The following ZFYVE21 variants were observed in gnomAD, a reference collection of about 807,000 sequenced individuals.
The protein encoded by ZFYVE21 is zinc finger FYVE-type containing 21.
ZFYVE21 carries 21 observed loss-of-function variants against 29.5 expected under a neutral mutation model. That is an observed-to-expected ratio of 0.71 (90% CI 0.50 to 1.02). The LOEUF is 1.02. Among genes scored for constraint, ZFYVE21 ranks in the 50% least tolerant of loss-of-function variants. The pLI is 0.00. For missense variants in ZFYVE21, 326 were observed against 335.4 expected, an observed-to-expected ratio of 0.97 and a Z score of 0.22; for synonymous variants, 151 against 133.8, an observed-to-expected ratio of 1.13 and a Z score of -0.89.
chr14:103,720,948 G>A (rs2083867195), intron 1 of ZFYVE21, among the ~76,000 whole-genome samples: 2 of 152,012 alleles, frequency 1.3e-5, no homozygotes, highest in African/African-American at 2.4e-5. Flanking sequence ...TCAGCCTCCC[G>A]AGTAGCTGGG....
chr14:103,726,608 T>C (rs2083926950), intron 1 of ZFYVE21, 184 bp from the exon 2 acceptor site: 2 of 718,482 alleles, frequency 2.8e-6, no homozygotes, highest in East Asian at 5.1e-5. Flanking sequence ...CCCCACCGCA[T>C]TGGCTCTGGA....
At position 103,726,818 on chromosome 14, in the gene ZFYVE21, C is replaced by T; in HGVS notation, c.165C>T (p.Ala55=). The part of the protein sequence containing the change: ...KECRRCMQCD[A]KFDFLTRKHH... The stretch of plus-strand genomic sequence containing the variant: ...GTCGGAGATGTATGCAGTGTGACGC[C>T]AAGTTTGACTTTCTCACCAGAAAGG... Residue 55 remains alanine, a synonymous_variant, in exon 2 of 7, where the codon GCC becomes GCT. Coordinates refer to ENST00000311141, the MANE Select transcript of ZFYVE21 (RefSeq NM_024071.4). 1.2e-6 allele frequency: 2 copies of T among 1,613,994 alleles called. No individual in the cohort carries two copies. Among genetic ancestry groups the T allele is most frequent in the Non-Finnish European group, 1.7e-6 (2 of 1,179,952 alleles).
intron 5 of ZFYVE21, 147 bp downstream of exon 5, chr14:103,729,329 C>T (rs967624498): frequency 1.2e-4 from 89 of 730,596 alleles, no homozygotes; most frequent in South Asian, 4.2e-4. Context: ...TCCTCTTTCG[C>T]GGGGCGTGTA....
In ZFYVE21 at chr14:103,716,745, C is replaced by G. The variant is rs551069357; in HGVS notation, c.138+766C>G. On this transcript the variant is annotated intron_variant, in intron 1 of 6. Coordinates refer to ENST00000311141, the MANE Select transcript of ZFYVE21 (RefSeq NM_024071.4). This position sits in a 1 kb window ranked among gnomAD's most constrained non-coding sequence, Gnocchi z 4.8. The stretch of plus-strand genomic sequence containing the variant: ...CGTGGGGTCCCTGAGCCAGGCCATC[C>G]GCTGGGCCTCCCGTGGGGTTCCCTG... 6.6e-6 allele frequency among the ~76,000 whole-genome samples: 1 copy of G among 152,202 alleles called. No homozygotes were observed. Among genetic ancestry groups the G allele is most frequent in the Non-Finnish European group, 1.5e-5 (1 of 68,020 alleles).
intron 1 of ZFYVE21, among the ~76,000 whole-genome samples, chr14:103,718,061 C>T (rs944128781): frequency 2.0e-5 from 3 of 152,162 alleles, no homozygotes; most frequent in African/African-American, 4.8e-5. Flanking sequence ...TGCTTGGGGC[C>T]GCTAAGGTGA....
chr14:103,729,701 C>A, intron 5 of ZFYVE21: 3 of 1,423,496 alleles, frequency 2.1e-6, no homozygotes, highest in Non-Finnish European at 2.9e-6. Flanking sequence ...CTGACAGATG[C>A]GTGTGCCGTA....
chr14:103,717,457 C>T (rs1213683978), intron 1 of ZFYVE21, among the ~76,000 whole-genome samples: 3 of 152,218 alleles, frequency 2.0e-5, no homozygotes, highest in Non-Finnish European at 4.4e-5. Context: ...CCCTGCTGTA[C>T]ACATGCACTG....
rs1419862587 is a variant in ZFYVE21 at position 103,732,668 on chromosome 14, G to A, written c.575G>A (p.Gly192Glu). 6.2e-7 allele frequency: 1 copy of A among 1,612,098 alleles called. No homozygotes were observed. Among genetic ancestry groups the A allele is most frequent in the Non-Finnish European group, 8.5e-7 (1 of 1,179,390 alleles). Reference protein sequence around the residue: ...TGMFLQYTVPGTEGVTQLKLT... With the variant: ...TGMFLQYTVPETEGVTQLKLT... ...ATGTTCCTGCAGTATACAGTGCCGGGGACGGAGGGTGTGACCCAGCTGAAG... is the reference window on the plus strand; with the variant it reads ...ATGTTCCTGCAGTATACAGTGCCGGAGACGGAGGGTGTGACCCAGCTGAAG... The change falls in exon 6 of 7, where the codon GGG (glycine) becomes GAG (glutamate). Residue 192 changes from glycine to glutamate, a missense_variant. Gly to Glu is a moderately conservative substitution (Grantham distance 98). Coordinates refer to ENST00000311141, the MANE Select transcript of ZFYVE21 (RefSeq NM_024071.4).
intron 1 of ZFYVE21, among the ~76,000 whole-genome samples, chr14:103,719,750 G>C (rs975903411): frequency 5.3e-5 from 8 of 152,110 alleles, no homozygotes; most frequent in African/African-American, 1.9e-4. Flanking sequence ...AGGTGTTCTG[G>C]GAACCAGCAG....
chr14:103,731,594 CAA>C (rs1294787941), intron 5 of ZFYVE21: 3 of 152,190 alleles, frequency 2.0e-5, no homozygotes, highest in Non-Finnish European at 4.4e-5. Context: ...GCAACAAGAG[CAA>C]AGACTCCGTC....
Position 103,733,193 on chromosome 14 carries a change from A to G in ZFYVE21, c.*175A>G. 3 of 760,904 alleles carry G rather than the reference A, an allele frequency of 3.9e-6. No individual in the cohort carries two copies. The highest frequency in any genetic ancestry group is 6.4e-6 in the Non-Finnish European group (3 of 472,118). The allele number at this position is 760,904 out of a possible 1,614,324, so 47.1% of individuals were successfully genotyped here. ...CACTTATCTAGTGCAATATGTTCAC[A>G]GTTTATTAATGCTTTAAACAGCTTC... On this transcript the variant is annotated 3_prime_UTR_variant, in exon 7 of 7. Transcript: ENST00000311141.
At chr14:103,729,823 G>A (rs754748077) in intron 5 of ZFYVE21, 107 of 1,535,950 alleles carry the variant, frequency 7.0e-5, no homozygotes, top group East Asian at 9.8e-5. Flanking sequence ...ACCAGCCTCC[G>A]GGGGAGCCAG....
rs749277267 is a variant in ZFYVE21, at chr14:103,715,927, C to T, written c.86C>T (p.Ala29Val). ...SGLRMVPEHR[A>V]FGSPFGLEEP... ...CTGCGCATGGTGCCCGAACACCGCG[C>T]CTTCGGAAGCCCGTTCGGCCTGGAG... is the stretch of plus-strand genomic sequence containing the variant. The change falls in exon 1 of 7, where the codon GCC (alanine) becomes GTC (valine). Residue 29 changes from alanine (A) to valine (V), a missense_variant. By Grantham distance (64) the Ala-to-Val change is moderately conservative (BLOSUM62 0). Coordinates refer to ENST00000311141, the MANE Select transcript of ZFYVE21 (RefSeq NM_024071.4). 9 of 1,431,082 alleles carry T rather than the reference C, an allele frequency of 6.3e-6. No individual in the cohort carries two copies. The African/African-American group carries it at 1.2e-4, about 19-fold the overall frequency. The allele number at this position is 1,431,082 out of a possible 1,614,324, so 88.6% of individuals were successfully genotyped here.
At chr14:103,729,210 C>T (rs2083954144) in intron 5 of ZFYVE21, 28 bp downstream of exon 5, 1 of 1,612,102 alleles carries the variant, frequency 6.2e-7, no homozygotes, top group Non-Finnish European at 8.5e-7. Context: ...CTTTCCTAAG[C>T]CAGGAGGGTT....
intron 1 of ZFYVE21, chr14:103,724,493 G>T (rs2083901657): frequency 6.6e-6 from 1 of 152,254 alleles, no homozygotes; most frequent in Non-Finnish European, 1.5e-5. Flanking sequence ...CCTCCTTTTC[G>T]AGACTTCAGG....
chr14:103,720,093 TCA>T (rs1491165684), intron 1 of ZFYVE21, among the ~76,000 whole-genome samples: 3 of 152,120 alleles, frequency 2.0e-5, no homozygotes, highest in Non-Finnish European at 2.9e-5. Context: ...ATTTTGTCTC[TCA>T]GAGGTGAAGT....
chr14:103,717,557 G>A (rs2083837969), intron 1 of ZFYVE21, among the ~76,000 whole-genome samples: 1 of 152,238 alleles, frequency 6.6e-6, no homozygotes. Flanking sequence ...GAATTGTTTA[G>A]CATTTTTCCC....
chr14:103,724,018 G>C (rs1286211653), intron 1 of ZFYVE21, among the ~76,000 whole-genome samples: 2 of 152,204 alleles, frequency 1.3e-5, no homozygotes, highest in Admixed American at 1.3e-4. Context: ...TCAGAGAAGG[G>C]GTTGGACTTC....
At chr14:103,722,112 G>A (rs1028218710) in intron 1 of ZFYVE21, among the ~76,000 whole-genome samples, 1 of 152,182 alleles carries the variant, frequency 6.6e-6, no homozygotes, top group African/African-American at 2.4e-5. Context: ...TCCTTTGCGG[G>A]GCGTGCTTAC....
Sources: gnomAD v4.1 joint callset for allele counts (sites outside exome capture counted in the v4.1 genomes callset) on GRCh38, gnomAD v4.1.1 for gene constraint, Gnocchi (gnomAD v3.1) non-coding constraint, MANE v1.5 for transcripts, NCBI Gene and HGNC (gene_info 2026-07-23, HGNC 2026-07-21) for gene names.